Variants in KIF13B observed in about 807,000 individuals in gnomAD.
KIF13B encodes kinesin family member 13B, also known as kinesin-like protein KIF13B.
In KIF13B, 127 loss-of-function variants were observed where a neutral mutation model predicts 222.0. That is an observed-to-expected ratio of 0.57 (90% CI 0.50 to 0.66). KIF13B has a LOEUF of 0.66. Ranked by LOEUF, KIF13B falls within the 30% of genes least tolerant of loss-of-function variation. The pLI, the probability that KIF13B is intolerant of heterozygous loss-of-function variation, is 0.00. For missense variants in KIF13B, 2,173 were observed against 2,379.0 expected, an observed-to-expected ratio of 0.91 and a Z score of 1.80; for synonymous variants, 976 against 919.0, an observed-to-expected ratio of 1.06 and a Z score of -1.12.
chr8:29,114,647 C>T (rs1053171748), intron 31 of KIF13B, among the ~76,000 whole-genome samples: 5 of 152,022 alleles, frequency 3.3e-5, no homozygotes, highest in Non-Finnish European at 5.9e-5. Flanking sequence ...TTCCACATGA[C>T]GATTCTTAGG....
At chr8:29,212,382 T>G (rs532476015) in intron 2 of KIF13B, among the ~76,000 whole-genome samples, 18 of 152,364 alleles carry the variant, frequency 1.2e-4, no homozygotes, top group African/African-American at 4.3e-4. Context: ...TCTGTCGTTT[T>G]GATTACAGAC....
At position 29,110,056 on chromosome 8, in the gene KIF13B, C is replaced by T. The variant is rs1809283155; in HGVS notation, c.3945G>A (p.Val1315=). 6.4e-7 allele frequency: 1 copy of T among 1,561,606 alleles called. No homozygotes were observed. Among genetic ancestry groups the T allele is most frequent in the Admixed American group, 1.9e-5 (1 of 51,934 alleles). ...VSNIPEDAQG[V]EEREALARMA... is the part of the protein sequence containing the mutation. ...TTCTTGCTAATGCTTCCCGTTCTTC[C>T]ACTCCCTGGGCATCCTGAGCAGTGG... Residue 1315 remains valine, a synonymous_variant, in exon 33 of 40, where the codon GTG becomes GTA. Coordinates refer to ENST00000524189, the MANE Select transcript of KIF13B (RefSeq NM_015254.4).
intron 23 of KIF13B, among the ~76,000 whole-genome samples, chr8:29,131,398 G>A (rs1810339403): frequency 6.6e-6 from 1 of 151,830 alleles, no homozygotes; most frequent in African/African-American, 2.4e-5. Flanking sequence ...ATAGACAAAG[G>A]TAGTGCCATA....
At chr8:29,122,376 T>C (rs1809907108) in intron 29 of KIF13B, among the ~76,000 whole-genome samples, 1 of 151,760 alleles carries the variant, frequency 6.6e-6, no homozygotes, top group Non-Finnish European at 1.5e-5. Flanking sequence ...GGATGAGAGG[T>C]GAGGAGTATG....
intron 1 of KIF13B, among the ~76,000 whole-genome samples, chr8:29,248,334 G>A (rs1446086963): frequency 6.6e-6 from 1 of 152,176 alleles, no homozygotes; most frequent in Non-Finnish European, 1.5e-5. Flanking sequence ...CCCTAGCGCA[G>A]AACACTACTG....
chr8:29,260,443 A>T (rs1205387399), intron 1 of KIF13B, among the ~76,000 whole-genome samples: 2 of 152,224 alleles, frequency 1.3e-5, no homozygotes, highest in African/African-American at 2.4e-5. Context: ...TCCGGCACCT[A>T]TATGATAGAA....
intron 21 of KIF13B, among the ~76,000 whole-genome samples, chr8:29,139,323 G>C (rs1030005013): frequency 3.3e-5 from 5 of 152,100 alleles, no homozygotes; most frequent in Non-Finnish European, 5.9e-5. Flanking sequence ...TGATATTTGA[G>C]AGTTGCATTT....
intron 7 of KIF13B, 104 bp downstream of exon 7, chr8:29,181,815 C>T (rs914561524): frequency 1.5e-6 from 1 of 647,978 alleles, no homozygotes; most frequent in Non-Finnish European, 2.6e-6. Context: ...TTAAGTGATG[C>T]TATTATATAT....
At chr8:29,111,187 G>C (rs1176859037) in intron 32 of KIF13B, among the ~76,000 whole-genome samples, 1 of 152,264 alleles carries the variant, frequency 6.6e-6, no homozygotes, top group Non-Finnish European at 1.5e-5. Flanking sequence ...ACAAGAGGAA[G>C]ACCACACAAT....
intron 2 of KIF13B, among the ~76,000 whole-genome samples, chr8:29,199,637 T>C (rs145557928): frequency 2.1e-4 from 31 of 147,736 alleles, no homozygotes; most frequent in African/African-American, 7.3e-4. Flanking sequence ...GCATTTTGGA[T>C]AAGGAATACT....
At chr8:29,197,531 A>C (rs1156316291) in intron 2 of KIF13B, among the ~76,000 whole-genome samples, 1 of 152,120 alleles carries the variant, frequency 6.6e-6, no homozygotes, top group Non-Finnish European at 1.5e-5. Context: ...TATATGAATA[A>C]ATACACACAT....
intron 2 of KIF13B, 105 bp from the exon 3 acceptor site, chr8:29,196,304 T>C: frequency 2.2e-6 from 2 of 905,812 alleles, no homozygotes; most frequent in East Asian, 5.3e-5. Flanking sequence ...TAATAAACAT[T>C]ATGTAAATTC....
chr8:29,208,260 T>C (rs1814046088), intron 2 of KIF13B, among the ~76,000 whole-genome samples: 3 of 152,194 alleles, frequency 2.0e-5, no homozygotes, highest in South Asian at 4.1e-4. Context: ...CTACTTGGTA[T>C]AGGATAAAAG....
intron 35 of KIF13B, among the ~76,000 whole-genome samples, chr8:29,101,499 GCA>G (rs1808783590): frequency 6.6e-6 from 1 of 152,088 alleles, no homozygotes; most frequent in South Asian, 2.1e-4. Flanking sequence ...CTTCCCCAAG[GCA>G]CACCCAGGCC....
rs369153052 is a variant in KIF13B at position 29,072,300 on chromosome 8, C to T, written c.4538G>A (p.Gly1513Asp). 7.7e-6 allele frequency: 11 copies of T among 1,428,332 alleles called. No homozygotes were observed. Among genetic ancestry groups the T allele is most frequent in the Non-Finnish European group, 1.0e-5 (11 of 1,088,910 alleles). The allele number at this position is 1,428,332 out of a possible 1,614,324, so 88.5% of individuals were successfully genotyped here. ...CATCGTCTGCACCAGCACGTCAGGG[C>T]CCATCTCCGGCTGAGCCTGCAGCAG... The part of the protein sequence containing the change: ...TRMEEAQPEM[G>D]PDVLVQTMGA... The change falls in exon 39 of 40, where the codon GGC becomes GAC. Residue 1513 changes from glycine (G) to aspartate (D), a missense_variant. Transcript: ENST00000524189.
rs564609353 is a variant in KIF13B at position 29,075,206 on chromosome 8, G to A, written c.4521+75C>T. On this transcript the variant is annotated intron_variant, in intron 38 of 39. Transcript: ENST00000524189. ...TGCTAACATCAAAAACTGTGGGTGTGGACTCAACAGTTTCGGCATCAGGGC... is the reference window on the plus strand; with the variant it reads ...TGCTAACATCAAAAACTGTGGGTGTAGACTCAACAGTTTCGGCATCAGGGC... The A allele has an allele frequency of 9.9e-5, 113 of 1,144,892 alleles. 1 individual carries two copies. The South Asian group carries it at 1.4e-3, about 14-fold the overall frequency. The allele number at this position is 1,144,892 out of a possible 1,614,324, so 70.9% of individuals were successfully genotyped here. A position where few individuals can be genotyped will look rare whatever the true frequency, so the allele number is the denominator to read the frequency against.
chr8:29,120,343 C>T (rs1251607590), intron 29 of KIF13B, among the ~76,000 whole-genome samples: 1 of 98,084 alleles, frequency 1.0e-5, no homozygotes, highest in African/African-American at 4.0e-5. Flanking sequence ...CCCGACCCCA[C>T]CACAGTCCCC....
intron 17 of KIF13B, among the ~76,000 whole-genome samples, chr8:29,146,748 C>A (rs138674305): frequency 2.6e-5 from 4 of 152,308 alleles, no homozygotes; most frequent in African/African-American, 9.6e-5. Context: ...AGCAGCCACA[C>A]AGCAAGCCGG....
chr8:29,181,983 C>G lies in KIF13B; in HGVS notation c.521G>C (p.Arg174Thr), dbSNP rs1430534825. Residue 174 changes from arginine (R) to threonine (T), a missense_variant, in exon 7 of 40, where the codon AGA becomes ACA. Coordinates refer to ENST00000524189, the MANE Select transcript of KIF13B (RefSeq NM_015254.4). ...ATAAGGTCCCAACACACTATGCTCTCTGACTTTCAACGTCTGACGGCTTCT... is the reference window on the plus strand; with the variant it reads ...ATAAGGTCCCAACACACTATGCTCTGTGACTTTCAACGTCTGACGGCTTCT... ...PKGSRQTLKV[R>T]EHSVLGPYVD... 2 of 1,613,332 alleles carry G rather than the reference C, an allele frequency of 1.2e-6. No homozygotes were observed. The highest frequency in any genetic ancestry group is 1.7e-6 in the Non-Finnish European group (2 of 1,179,618).
Sources: allele counts gnomAD v4.1 joint callset (sites outside exome capture counted in the v4.1 genomes callset), GRCh38; gene constraint gnomAD v4.1.1; transcripts MANE v1.5; gene names NCBI Gene and HGNC (gene_info 2026-07-23, HGNC 2026-07-21).